NRG3: variants seen among roughly 807,000 people sequenced by gnomAD.
NRG3 encodes pro-neuregulin-3, membrane-bound isoform.
A neutral mutation model predicts 66.9 loss-of-function variants in NRG3; 31 were observed. The observed-to-expected ratio is 0.46, with a 90% CI of 0.35 to 0.63. The LOEUF is 0.63. NRG3 is among the 20% of genes least tolerant of loss of function. NRG3 has a pLI of 0.00. For missense variants in NRG3, 910 were observed against 878.9 expected (o/e 1.04, Z -0.45); for synonymous variants, 393 against 359.4 (o/e 1.09, Z -1.06).
rs17100998 is a variant in NRG3, at chr10:82,878,199, G to A, written c.1054+12762G>A. On this transcript the variant is annotated intron_variant, in intron 4 of 8. Coordinates refer to ENST00000372141, the MANE Select transcript of NRG3 (RefSeq NM_001010848.4). Reference sequence around the variant, plus strand: ...AGATGGAAGAGCACATTTGGGAAATGGCAAGGAGTCCCAGAACTGGACAAA... The same window carrying A: ...AGATGGAAGAGCACATTTGGGAAATAGCAAGGAGTCCCAGAACTGGACAAA... Among the ~76,000 whole-genome samples, 1,128 of 152,314 alleles carry A rather than the reference G, an allele frequency of 7.4e-3. 17 individuals are homozygous for A. Among genetic ancestry groups the A allele is most frequent in the African/African-American group, 0.022 (916 of 41,566 alleles).
chr10:82,561,918 G>A (rs975018933), intron 2 of NRG3, among the ~76,000 whole-genome samples: 1 of 152,106 alleles, frequency 6.6e-6, no homozygotes, highest in Non-Finnish European at 1.5e-5. Context: ...GGGCAATAGG[G>A]GTAGGGCATA....
chr10:82,351,476 C>T (rs894512273), intron 1 of NRG3, among the ~76,000 whole-genome samples: 2 of 152,078 alleles, frequency 1.3e-5, no homozygotes, highest in African/African-American at 2.4e-5. Flanking sequence ...TTCAAGTTTC[C>T]CAGTGCACCT....
At chr10:82,110,112 A>G (rs2067298201) in intron 1 of NRG3, among the ~76,000 whole-genome samples, 1 of 152,204 alleles carries the variant, frequency 6.6e-6, no homozygotes, top group African/African-American at 2.4e-5. Context: ...AAATTGGGAA[A>G]GGGTAAAGGG....
intron 2 of NRG3, among the ~76,000 whole-genome samples, chr10:82,367,819 C>T (rs538889524): frequency 6.6e-6 from 1 of 152,146 alleles, no homozygotes; most frequent in Admixed American, 6.5e-5. Flanking sequence ...CGTGGCAAAA[C>T]CCAGTCTCCA....
intron 2 of NRG3, among the ~76,000 whole-genome samples, chr10:82,626,911 T>C (rs764976272): frequency 7.2e-5 from 11 of 152,258 alleles, no homozygotes; most frequent in African/African-American, 1.2e-4. Context: ...AATATTTTCC[T>C]CCTGCTCAAA....
chr10:82,016,483 A>G (rs761709580), intron 1 of NRG3, among the ~76,000 whole-genome samples: 7 of 151,734 alleles, frequency 4.6e-5, no homozygotes, highest in East Asian at 1.9e-4. Context: ...CGAGAGAGGC[A>G]TGAGCTAAGG....
intron 1 of NRG3, among the ~76,000 whole-genome samples, chr10:81,927,868 A>G (rs970157771): frequency 6.6e-6 from 1 of 152,140 alleles, no homozygotes; most frequent in Non-Finnish European, 1.5e-5. Context: ...CTCAGACACA[A>G]CTGATCAGCA....
intron 2 of NRG3, among the ~76,000 whole-genome samples, chr10:82,416,681 C>T (rs1212723725): frequency 6.6e-6 from 1 of 152,072 alleles, no homozygotes; most frequent in Admixed American, 6.6e-5. Context: ...ATAGCAATAC[C>T]TCTTATATTC....
intron 1 of NRG3, among the ~76,000 whole-genome samples, chr10:81,885,660 A>T (rs767667685): frequency 4.6e-5 from 7 of 152,224 alleles, no homozygotes; most frequent in African/African-American, 1.7e-4. Context: ...GAAATAGATC[A>T]AGTTCTAAGA....
intron 3 of NRG3, among the ~76,000 whole-genome samples, chr10:82,833,558 C>T (rs1187902439): frequency 6.6e-6 from 1 of 152,154 alleles, no homozygotes; most frequent in East Asian, 1.9e-4. Context: ...TTGATGGAAT[C>T]CATGTTCCCT....
chr10:82,021,048 A>T (rs1302913600), intron 1 of NRG3, among the ~76,000 whole-genome samples: 1 of 152,014 alleles, frequency 6.6e-6, no homozygotes, highest in Admixed American at 6.6e-5. Context: ...GTTCCTAAGA[A>T]TATTGTGAGT....
At chr10:82,465,793 A>T (rs192960155) in intron 2 of NRG3, among the ~76,000 whole-genome samples, 2 of 152,270 alleles carry the variant, frequency 1.3e-5, no homozygotes, top group Admixed American at 1.3e-4. Context: ...TAGAGCCATC[A>T]TGTTAATTCT....
chr10:82,094,090 A>G (rs2066194163), intron 1 of NRG3, among the ~76,000 whole-genome samples: 1 of 152,222 alleles, frequency 6.6e-6, no homozygotes, highest in East Asian at 1.9e-4. Flanking sequence ...GAAACCTTTT[A>G]CTAGGTGCTT....
At chr10:82,271,047 A>G (rs2078567745) in intron 1 of NRG3, among the ~76,000 whole-genome samples, 1 of 151,988 alleles carries the variant, frequency 6.6e-6, no homozygotes, top group East Asian at 1.9e-4. Flanking sequence ...AGCCTTTACC[A>G]CCTTAGTTCG....
chr10:82,890,859 A>C (rs1843090673), intron 4 of NRG3, among the ~76,000 whole-genome samples: 2 of 152,076 alleles, frequency 1.3e-5, no homozygotes, highest in Non-Finnish European at 2.9e-5. Flanking sequence ...GTGTGTAGTG[A>C]TATCTTATTT....
At chr10:81,912,243 A>G (rs1845240170) in intron 1 of NRG3, among the ~76,000 whole-genome samples, 1 of 152,192 alleles carries the variant, frequency 6.6e-6, no homozygotes, top group Non-Finnish European at 1.5e-5. Context: ...TGATGATTAC[A>G]GGCAGTCTTT....
chr10:82,862,070 C>A (rs1238007140), intron 3 of NRG3, among the ~76,000 whole-genome samples: 2 of 152,174 alleles, frequency 1.3e-5, no homozygotes, highest in Admixed American at 1.3e-4. Context: ...AGGACCCATA[C>A]TTACTTGTCC....
chr10:82,439,918 CTAA>C (rs552755448), intron 2 of NRG3, among the ~76,000 whole-genome samples: 265 of 152,038 alleles, frequency 1.7e-3, no homozygotes, highest in African/African-American at 6.0e-3. Context: ...GTTACTTTAG[CTAA>C]TAATATGTTT....
intron 1 of NRG3, among the ~76,000 whole-genome samples, chr10:82,213,661 A>T (rs888209194): frequency 1.3e-5 from 2 of 152,186 alleles, no homozygotes; most frequent in Admixed American, 1.3e-4. Flanking sequence ...CAATGTGTTT[A>T]TGTTTACTGT....
Sources: allele counts gnomAD v4.1 joint callset (sites outside exome capture counted in the v4.1 genomes callset), GRCh38; gene constraint gnomAD v4.1.1; transcripts MANE v1.5; gene names NCBI Gene and HGNC (gene_info 2026-07-23, HGNC 2026-07-21).